Variants in TMC1 observed in about 807,000 individuals in gnomAD.
TMC1 encodes the protein transmembrane channel like 1, also known as transmembrane channel-like protein 1.
Under a neutral mutation model 105.8 loss-of-function variants are expected in TMC1, and 84 were observed. That is an observed-to-expected ratio of 0.79 (90% CI 0.67 to 0.95). The LOEUF (loss-of-function observed/expected upper bound fraction) is 0.95. Among genes scored for constraint, TMC1 ranks in the 40% least tolerant of loss-of-function variants. TMC1 has a pLI of 0.00. For synonymous variants in TMC1, 315 were observed against 311.5 expected (o/e 1.01, Z -0.12); for missense variants, 817 against 914.1 (o/e 0.89, Z 1.37).
intron 8 of TMC1, among the ~76,000 whole-genome samples, chr9:72,706,424 G>A (rs934796714): frequency 6.6e-6 from 1 of 152,124 alleles, no homozygotes; most frequent in Non-Finnish European, 1.5e-5. Context: ...GGAACAGGTG[G>A]TATTTGGTTA....
chr9:72,749,493 T>C (rs1347952642), intron 10 of TMC1, among the ~76,000 whole-genome samples: 1 of 151,916 alleles, frequency 6.6e-6, no homozygotes, highest in Non-Finnish European at 1.5e-5. Flanking sequence ...GGCCATGAAA[T>C]GGTATGAAGT....
At chr9:72,536,079 A>G (rs1223288016) in intron 1 of TMC1, among the ~76,000 whole-genome samples, 1 of 152,174 alleles carries the variant, frequency 6.6e-6, no homozygotes, top group African/African-American at 2.4e-5. Context: ...TTCAAATACA[A>G]TCATTTCTTC....
At chr9:72,788,543 T>C (rs1828208997) in intron 14 of TMC1, 60 bp downstream of exon 14, 2 of 1,555,902 alleles carry the variant, frequency 1.3e-6, no homozygotes, top group East Asian at 4.5e-5. Flanking sequence ...ATTGGAGGCA[T>C]TCCATCTGGT....
At position 72,789,151 on chromosome 9, in the gene TMC1, A is replaced by G; in HGVS notation, c.1058A>G (p.Gln353Arg). The change falls in exon 15 of 24, where the codon CAA becomes CGA. Residue 353 changes from glutamine to arginine, a missense_variant. Transcript: ENST00000297784. Reference sequence around the variant, plus strand: ...GCTATCACAGAAGAAAAAGCAGCCCAAGTAGAAGAAAACGTCCACTTGATC... The same window carrying G: ...GCTATCACAGAAGAAAAAGCAGCCCGAGTAGAAGAAAACGTCCACTTGATC... ...KEAITEEKAA[Q>R]VEENVHLIRF... 6.2e-7 allele frequency: 1 copy of G among 1,613,046 alleles called. No homozygotes were observed. The highest frequency in any genetic ancestry group is 8.5e-7 in the Non-Finnish European group (1 of 1,179,930).
At chr9:72,697,224 A>G (rs1397904360) in intron 7 of TMC1, among the ~76,000 whole-genome samples, 1 of 152,090 alleles carries the variant, frequency 6.6e-6, no homozygotes, top group Non-Finnish European at 1.5e-5. Context: ...AATCCAGAAA[A>G]GTTTTGTATA....
chr9:72,590,836 G>C (rs763059882), intron 2 of TMC1, among the ~76,000 whole-genome samples: 1 of 152,166 alleles, frequency 6.6e-6, no homozygotes, highest in Non-Finnish European at 1.5e-5. Context: ...TGTGTTAATT[G>C]TCCTGGAACA....
At chr9:72,586,243 G>T (rs1824552666) in intron 2 of TMC1, among the ~76,000 whole-genome samples, 2 of 152,194 alleles carry the variant, frequency 1.3e-5, no homozygotes, top group African/African-American at 4.8e-5. Flanking sequence ...TTCAGATAAA[G>T]AACCAATTTT....
chr9:72,700,497 G>A (rs980316876), intron 7 of TMC1, 21 bp from the exon 8 acceptor site: 4 of 1,564,744 alleles, frequency 2.6e-6, no homozygotes, highest in African/African-American at 1.4e-5. Context: ...TTATTAAGGT[G>A]TTTCTTTTTT....
chr9:72,643,627 A>G (rs371512597), intron 4 of TMC1, among the ~76,000 whole-genome samples: 12 of 152,306 alleles, frequency 7.9e-5, no homozygotes, highest in African/African-American at 2.4e-4. Flanking sequence ...GTGTGTATCA[A>G]TAGTTCATTC....
chr9:72,755,794 TG>T (rs1390391328), intron 12 of TMC1, among the ~76,000 whole-genome samples: 2 of 152,224 alleles, frequency 1.3e-5, no homozygotes, highest in African/African-American at 4.8e-5. Flanking sequence ...GCAGACTGCC[TG>T]TTTATAGTGT....
intron 15 of TMC1, 103 bp downstream of exon 15, chr9:72,789,420 T>C (rs1828226965): frequency 9.1e-7 from 1 of 1,096,408 alleles, no homozygotes; most frequent in Non-Finnish European, 1.4e-6. Context: ...CCTTTACCTA[T>C]CCCCTATCCT....
intron 2 of TMC1, among the ~76,000 whole-genome samples, chr9:72,611,916 C>T (rs866537619): frequency 2.0e-5 from 3 of 152,082 alleles, no homozygotes; most frequent in East Asian, 1.9e-4. Flanking sequence ...TCTTCTGTCC[C>T]GCTCTGTCCC....
intron 1 of TMC1, among the ~76,000 whole-genome samples, chr9:72,569,597 G>C (rs911559199): frequency 6.6e-6 from 1 of 152,150 alleles, no homozygotes; most frequent in Non-Finnish European, 1.5e-5. Flanking sequence ...GGGCATTTAG[G>C]CAGAGGAAGC....
At chr9:72,619,064 A>C (rs1825194395) in intron 3 of TMC1, among the ~76,000 whole-genome samples, 1 of 152,192 alleles carries the variant, frequency 6.6e-6, no homozygotes, top group African/African-American at 2.4e-5. Flanking sequence ...TCAGATACAG[A>C]GCAGAACACA....
intron 10 of TMC1, among the ~76,000 whole-genome samples, chr9:72,748,105 C>T (rs1294829614): frequency 6.6e-6 from 1 of 152,064 alleles, no homozygotes; most frequent in Non-Finnish European, 1.5e-5. Flanking sequence ...ATTAATTGAA[C>T]TATGTTTTAC....
intron 1 of TMC1, among the ~76,000 whole-genome samples, chr9:72,569,571 C>T (rs1033875130): frequency 8.5e-5 from 13 of 152,084 alleles, no homozygotes; most frequent in Non-Finnish European, 1.6e-4. Context: ...GAACTATTCT[C>T]CAGGTGGATG....
intron 17 of TMC1, 74 bp downstream of exon 17, chr9:72,792,426 G>C (rs1828288824): frequency 6.3e-7 from 1 of 1,587,614 alleles, no homozygotes; most frequent in Non-Finnish European, 8.6e-7. Flanking sequence ...CCATAAGATT[G>C]GCTTTTAAAA....
At chr9:72,801,938 A>G (rs183811761) in intron 17 of TMC1, among the ~76,000 whole-genome samples, 162 of 152,314 alleles carry the variant, frequency 1.1e-3, no homozygotes, top group Admixed American at 2.2e-3. Flanking sequence ...TAGAATTTCA[A>G]CCTTTGGGAT....
intron 1 of TMC1, among the ~76,000 whole-genome samples, chr9:72,572,362 A>C (rs1261989832): frequency 4.0e-5 from 6 of 151,722 alleles, no homozygotes; most frequent in African/African-American, 1.5e-4. Flanking sequence ...CATCTGGTTA[A>C]TTTTTGTATT....
Sources: allele counts gnomAD v4.1 joint callset (sites outside exome capture counted in the v4.1 genomes callset), GRCh38; gene constraint gnomAD v4.1.1; transcripts MANE v1.5; gene names NCBI Gene and HGNC (gene_info 2026-07-23, HGNC 2026-07-21).